OSBPL3: variants seen among roughly 807,000 people sequenced by gnomAD.
The protein encoded by OSBPL3 is oxysterol-binding protein-related protein 3.
Under a neutral mutation model 120.1 loss-of-function variants are expected in OSBPL3, and 65 were observed. The ratio of observed to expected loss-of-function variants is 0.54; its 90% CI spans 0.44 to 0.67. The LOEUF (loss-of-function observed/expected upper bound fraction) is 0.67. OSBPL3 is among the 30% of genes least tolerant of loss of function. The pLI, the probability that OSBPL3 is intolerant of heterozygous loss-of-function variation, is 0.00. For synonymous variants in OSBPL3, 416 were observed against 402.6 expected (o/e 1.03, Z -0.40); for missense variants, 1,004 against 1,082.1 (o/e 0.93, Z 1.01).
rs1207382555 is a variant in OSBPL3, at chr7:24,933,134, C to T, written c.-149-40513G>A. 6.6e-6 allele frequency among the ~76,000 whole-genome samples: 1 copy of T among 152,216 alleles called. No individual in the cohort carries two copies. The highest frequency in any genetic ancestry group is 1.5e-5 in the Non-Finnish European group (1 of 68,034). ...GCCACGCACGCAGACGCCTGCAGAA[C>T]TGGGACCCAGCTGAGAGGGGGGTTC... On this transcript the variant is annotated intron_variant, in intron 1 of 22. Transcript: ENST00000313367. The surrounding 1 kb of genome is among the most constrained non-coding windows in gnomAD (Gnocchi z 5.1).
intron 5 of OSBPL3, among the ~76,000 whole-genome samples, chr7:24,868,325 G>GA (rs1373943961): frequency 2.2e-4 from 24 of 111,420 alleles, no homozygotes; most frequent in South Asian, 9.1e-4. Flanking sequence ...TCAAAAAAAA[G>GA]AAAAAAAAAA....
At chr7:24,944,226 G>A (rs1813436805) in intron 1 of OSBPL3, among the ~76,000 whole-genome samples, 1 of 152,120 alleles carries the variant, frequency 6.6e-6, no homozygotes, top group East Asian at 1.9e-4. Flanking sequence ...ACCTCCTAAA[G>A]TTATTGTGAG....
chr7:24,960,843 T>C (rs73078256), intron 1 of OSBPL3, among the ~76,000 whole-genome samples: 28,046 of 152,074 alleles, frequency 0.18, 2,722 homozygotes, highest in Middle Eastern at 0.26. Context: ...ACCAAGTACA[T>C]AGTCCCTCCA....
At chr7:24,895,240 C>T (rs538011587) in intron 1 of OSBPL3, among the ~76,000 whole-genome samples, 3 of 152,282 alleles carry the variant, frequency 2.0e-5, no homozygotes, top group Non-Finnish European at 4.4e-5. Flanking sequence ...CCCATGTATA[C>T]GCTGGTGGTC....
At chr7:24,909,881 T>C (rs868088075) in intron 1 of OSBPL3, among the ~76,000 whole-genome samples, 13 of 140,042 alleles carry the variant, frequency 9.3e-5, no homozygotes, top group African/African-American at 2.4e-4. Flanking sequence ...CTCAGCTCAC[T>C]GCAACCTCTG....
intron 2 of OSBPL3, among the ~76,000 whole-genome samples, chr7:24,876,568 G>A (rs1802878951): frequency 6.6e-6 from 1 of 151,878 alleles, no homozygotes; most frequent in African/African-American, 2.4e-5. Context: ...ATTTCTCCTG[G>A]TTTATTCATT....
At chr7:24,908,963 T>C (rs752803955) in intron 1 of OSBPL3, among the ~76,000 whole-genome samples, 2 of 152,238 alleles carry the variant, frequency 1.3e-5, no homozygotes, top group Non-Finnish European at 2.9e-5. Context: ...ATCTGTGCTG[T>C]AGTTACTTTG....
chr7:24,821,934 C>T lies in OSBPL3; in HGVS notation c.1885-1696G>A, dbSNP rs967502943. On this transcript the variant is annotated intron_variant, in intron 16 of 22. Coordinates refer to ENST00000313367, the MANE Select transcript of OSBPL3 (RefSeq NM_015550.4). The surrounding 1 kb of genome is among the most constrained non-coding windows in gnomAD (Gnocchi z 5.5). ...TGCCACCCAGGCTGGAGTGCAGTGG[C>T]ACAATCACAGCCCACTACAGCCTTG... 3.7e-4 allele frequency among the ~76,000 whole-genome samples: 56 copies of T among 152,272 alleles called. No homozygotes were observed. Among genetic ancestry groups the T allele is most frequent in the African/African-American group, 1.3e-3 (53 of 41,560 alleles).
In OSBPL3 at chr7:24,967,090, A is replaced by T. The variant is rs1393037113; in HGVS notation, c.-150+12796T>A. On this transcript the variant is annotated intron_variant, in intron 1 of 22. Coordinates refer to ENST00000313367, the MANE Select transcript of OSBPL3 (RefSeq NM_015550.4). The surrounding 1 kb of genome is among the most constrained non-coding windows in gnomAD (Gnocchi z 5.6). ...CACTCTAAATCTGTATTCACAGGTCATCTACATTATCTCAAATTTTTATGG... is the reference window on the plus strand; with the variant it reads ...CACTCTAAATCTGTATTCACAGGTCTTCTACATTATCTCAAATTTTTATGG... Among the ~76,000 whole-genome samples, 1 of 152,222 alleles carries T rather than the reference A, an allele frequency of 6.6e-6. No homozygotes were observed. The highest frequency in any genetic ancestry group is 1.5e-5 in the Non-Finnish European group (1 of 68,044).
intron 12 of OSBPL3, among the ~76,000 whole-genome samples, chr7:24,848,106 C>G (rs760691731): frequency 6.6e-6 from 1 of 152,168 alleles, no homozygotes; most frequent in Admixed American, 6.5e-5. Flanking sequence ...TGCCCGGAGC[C>G]CTACAGTCCA....
chr7:24,804,512 A>AT lies in OSBPL3; in HGVS notation c.2445-76dup, dbSNP rs747589438. On this transcript the variant is annotated intron_variant, in intron 21 of 22. Transcript: ENST00000313367. This position sits in a 1 kb window ranked among gnomAD's most constrained non-coding sequence, Gnocchi z 5.4. ...AAACAATCATTACTACTCAACTTGC[A>AT]TGTGTCCACGACTGGATATTCAAAA... 5.9e-5 allele frequency: 83 copies of AT among 1,410,128 alleles called. No individual in the cohort carries two copies. Among genetic ancestry groups the AT allele is most frequent in the Non-Finnish European group, 8.0e-5 (82 of 1,019,030 alleles). The allele number at this position is 1,410,128 out of a possible 1,614,324, so 87.4% of individuals were successfully genotyped here.
At position 24,831,499 on chromosome 7, in the gene OSBPL3, AAAAATT is replaced by A. The variant is rs566866431; in HGVS notation, c.1747-600_1747-595del. Among the ~76,000 whole-genome samples, 37 of 152,348 alleles carry A rather than the reference AAAAATT, an allele frequency of 2.4e-4. 2 individuals are homozygous for A. The South Asian group carries it at 5.2e-3, about 21-fold the overall frequency. ...GGAGGAAAAGTGAAACATCCAAAAA[AAAAATT>A]AAAATAAAGAGAGGAAGGAAGAAAA... On this transcript the variant is annotated intron_variant, in intron 15 of 22. Coordinates refer to ENST00000313367, the MANE Select transcript of OSBPL3 (RefSeq NM_015550.4). This position sits in a 1 kb window ranked among gnomAD's most constrained non-coding sequence, Gnocchi z 4.0.
At chr7:24,979,847 A>T in intron 1 of OSBPL3, 39 bp downstream of exon 1, 9 of 880,484 alleles carry the variant, frequency 1.0e-5, no homozygotes, top group Non-Finnish European at 1.2e-5. Context: ...AGGCCCCCCG[A>T]CACCCAGGCC....
Position 24,881,168 on chromosome 7 carries a change from A to G in OSBPL3, c.97-9099T>C, listed in dbSNP as rs894643995. Among the ~76,000 whole-genome samples, 6 of 152,252 alleles carry G rather than the reference A, an allele frequency of 3.9e-5. No individual in the cohort carries two copies. Among genetic ancestry groups the G allele is most frequent in the Non-Finnish European group, 8.8e-5 (6 of 68,046 alleles). ...AGCAGAGATACATTCTGACTAATCA[A>G]CACATGCATGACTTAGAATCACAGG... On this transcript the variant is annotated intron_variant, in intron 2 of 22. Coordinates refer to ENST00000313367, the MANE Select transcript of OSBPL3 (RefSeq NM_015550.4). The surrounding 1 kb of genome is among the most constrained non-coding windows in gnomAD (Gnocchi z 4.3).
chr7:24,810,701 T>G (rs772504946), intron 19 of OSBPL3, among the ~76,000 whole-genome samples: 6 of 152,162 alleles, frequency 3.9e-5, no homozygotes, highest in Admixed American at 1.3e-4. Context: ...CCTCCACCCC[T>G]GGCAAACCCA....
intron 1 of OSBPL3, among the ~76,000 whole-genome samples, chr7:24,962,463 G>A (rs930001286): frequency 7.0e-4 from 104 of 149,576 alleles, no homozygotes; most frequent in Non-Finnish European, 8.7e-4. Flanking sequence ...GAGAGGAGGA[G>A]AGAGGAGGAG....
At chr7:24,926,118 A>G (rs1020429840) in intron 1 of OSBPL3, among the ~76,000 whole-genome samples, 1 of 152,148 alleles carries the variant, frequency 6.6e-6, no homozygotes, top group African/African-American at 2.4e-5. Flanking sequence ...GTCTAGAACA[A>G]TTACCCCTCA....
intron 1 of OSBPL3, among the ~76,000 whole-genome samples, chr7:24,935,540 C>G (rs1303444466): frequency 6.6e-6 from 1 of 151,994 alleles, no homozygotes; most frequent in Non-Finnish European, 1.5e-5. Flanking sequence ...TAGAAATGGT[C>G]TATATCTTGA....
At chr7:24,887,628 C>G (rs1204914108) in intron 2 of OSBPL3, among the ~76,000 whole-genome samples, 1 of 152,146 alleles carries the variant, frequency 6.6e-6, no homozygotes, top group African/African-American at 2.4e-5. Context: ...TGAAGTTCAT[C>G]CAATAACACA....
Sources: allele counts gnomAD v4.1 joint callset (sites outside exome capture counted in the v4.1 genomes callset), GRCh38; gene constraint gnomAD v4.1.1; non-coding constraint Gnocchi (gnomAD v3.1); transcripts MANE v1.5; gene names NCBI Gene and HGNC (gene_info 2026-07-23, HGNC 2026-07-21).